Variants in SLC29A3 observed in about 807,000 individuals in gnomAD.
The protein encoded by SLC29A3 is solute carrier family 29 member 3.
In SLC29A3, 18 loss-of-function variants were observed where a neutral mutation model predicts 25.4. That is an observed-to-expected ratio of 0.71 (90% CI 0.49 to 1.05). The LOEUF is 1.05. SLC29A3 is among the 50% of genes least tolerant of loss of function. The pLI, the probability that SLC29A3 is intolerant of heterozygous loss-of-function variation, is 0.00. For missense variants in SLC29A3, 586 were observed against 609.0 expected, an observed-to-expected ratio of 0.96 and a Z score of 0.40; for synonymous variants, 258 against 267.1, an observed-to-expected ratio of 0.97 and a Z score of 0.33.
At chr10:71,333,740 T>G (rs1846176203) in intron 2 of SLC29A3, among the ~76,000 whole-genome samples, 1 of 152,154 alleles carries the variant, frequency 6.6e-6, no homozygotes, top group South Asian at 2.1e-4. Context: ...ATGGCAGAAG[T>G]CAGGCTGCAG....
chr10:71,328,336 C>T (rs1846020404), intron 2 of SLC29A3, among the ~76,000 whole-genome samples: 1 of 152,198 alleles, frequency 6.6e-6, no homozygotes, highest in Non-Finnish European at 1.5e-5. Flanking sequence ...GAAGCCACCT[C>T]TCTGAGTTAG....
At chr10:71,367,616 A>G (rs1326409486), downstream of SLC29A3, among the ~76,000 whole-genome samples, 5 of 152,210 alleles carry the variant, frequency 3.3e-5, no homozygotes, top group Non-Finnish European at 7.3e-5. Context: ...CAGGAAGTCC[A>G]GGGCAGCCTC....
At chr10:71,330,493 G>A (rs1237179891) in intron 2 of SLC29A3, among the ~76,000 whole-genome samples, 1 of 152,242 alleles carries the variant, frequency 6.6e-6, no homozygotes, top group Admixed American at 6.5e-5. Context: ...CTGTCTCATA[G>A]GACCACAAGG....
intron 3 of SLC29A3, among the ~76,000 whole-genome samples, chr10:71,374,171 AG>A (rs1387319654): frequency 6.6e-6 from 1 of 152,222 alleles, no homozygotes; most frequent in African/African-American, 2.4e-5. Context: ...CCTTTGAGCC[AG>A]GCAGACCTCT....
chr10:71,321,828 G>C (rs1475986522), intron 1 of SLC29A3, among the ~76,000 whole-genome samples: 2 of 152,210 alleles, frequency 1.3e-5, no homozygotes, highest in Non-Finnish European at 2.9e-5. Flanking sequence ...GCTCCTTGTA[G>C]GGTGTGATGA....
chr10:71,327,889 G>A (rs55780130), intron 2 of SLC29A3, among the ~76,000 whole-genome samples: 30,766 of 151,800 alleles, frequency 0.2, 3,765 homozygotes, highest in African/African-American at 0.35. Context: ...GGTCCTCCCC[G>A]GCTCTGGGGT....
chr10:71,337,382 A>C (rs1322255800), intron 2 of SLC29A3, among the ~76,000 whole-genome samples: 1 of 152,236 alleles, frequency 6.6e-6, no homozygotes, highest in Non-Finnish European at 1.5e-5. Flanking sequence ...CGCAGAACTC[A>C]GCTATCCGAA....
intron 3 of SLC29A3, among the ~76,000 whole-genome samples, chr10:71,350,984 A>G (rs576746780): frequency 6.6e-6 from 1 of 152,392 alleles, no homozygotes; most frequent in South Asian, 2.1e-4. Flanking sequence ...AAAAGTATGC[A>G]TTAAACACTG....
chr10:71,321,406 AG>A (rs1323600342), intron 1 of SLC29A3, among the ~76,000 whole-genome samples: 1 of 152,164 alleles, frequency 6.6e-6, no homozygotes, highest in Non-Finnish European at 1.5e-5. Context: ...TTTATTTATT[AG>A]TTTATTGGGT....
At chr10:71,322,066 G>T (rs994179805) in intron 1 of SLC29A3, among the ~76,000 whole-genome samples, 1 of 152,020 alleles carries the variant, frequency 6.6e-6, no homozygotes, top group South Asian at 2.1e-4. Flanking sequence ...TTTTTGAACC[G>T]GTAATAAACT....
chr10:71,320,522 A>G (rs1471937392), intron 1 of SLC29A3, among the ~76,000 whole-genome samples: 1 of 152,144 alleles, frequency 6.6e-6, no homozygotes, highest in Non-Finnish European at 1.5e-5. Context: ...CTGTGCCTTC[A>G]CATGGCTTTT....
At chr10:71,335,725 T>G (rs539240730) in intron 2 of SLC29A3, among the ~76,000 whole-genome samples, 2 of 152,174 alleles carry the variant, frequency 1.3e-5, no homozygotes, top group East Asian at 1.9e-4. Flanking sequence ...GGGAGTCTTC[T>G]CTTGAAGGCC....
At chr10:71,342,536 C>G (rs946771943) in intron 2 of SLC29A3, among the ~76,000 whole-genome samples, 13 of 152,266 alleles carry the variant, frequency 8.5e-5, no homozygotes, top group South Asian at 6.2e-4. Flanking sequence ...TGAGCCTGCT[C>G]GAAGAAACAA....
intron 2 of SLC29A3, among the ~76,000 whole-genome samples, chr10:71,323,504 A>G (rs1162809962): frequency 6.6e-6 from 1 of 152,260 alleles, no homozygotes; most frequent in Non-Finnish European, 1.5e-5. Context: ...AGTAGGAAAA[A>G]GCAAGAGGAG....
chr10:71,357,458 C>T (rs1262237862), intron 5 of SLC29A3, among the ~76,000 whole-genome samples: 1 of 152,004 alleles, frequency 6.6e-6, no homozygotes, highest in African/African-American at 2.4e-5. Context: ...ACTATGTTGC[C>T]CAGGGTGGTC....
chr10:71,350,027 A>G (rs190797488), intron 3 of SLC29A3, among the ~76,000 whole-genome samples: 1 of 152,296 alleles, frequency 6.6e-6, no homozygotes, highest in East Asian at 1.9e-4. Flanking sequence ...TAGTTGCTCA[A>G]TGCACATTTG....
chr10:71,341,833 T>G (rs1463923120), intron 2 of SLC29A3, among the ~76,000 whole-genome samples: 2 of 152,318 alleles, frequency 1.3e-5, no homozygotes, highest in African/African-American at 4.8e-5. Flanking sequence ...CCAAGCCCAC[T>G]CCAGTTGTTG....
chr10:71,359,181 T>C (rs1353591052), intron 5 of SLC29A3, among the ~76,000 whole-genome samples: 3 of 152,166 alleles, frequency 2.0e-5, no homozygotes, highest in Non-Finnish European at 4.4e-5. Flanking sequence ...AGTGCTGGGA[T>C]TGATTACAGG....
intron 2 of SLC29A3, among the ~76,000 whole-genome samples, chr10:71,336,502 A>G (rs1846257539): frequency 6.6e-6 from 1 of 151,840 alleles, no homozygotes; most frequent in Admixed American, 6.6e-5. Context: ...GGCAACATGG[A>G]CTACATTTTC....
Sources: allele counts gnomAD v4.1 joint callset (sites outside exome capture counted in the v4.1 genomes callset), GRCh38; gene constraint gnomAD v4.1.1; transcripts MANE v1.5; gene names NCBI Gene and HGNC (gene_info 2026-07-23, HGNC 2026-07-21).